SGSM2: variants seen among roughly 807,000 people sequenced by gnomAD.
SGSM2 encodes RUN and TBC1 domain containing 1.
A neutral mutation model predicts 126.6 loss-of-function variants in SGSM2; 89 were observed. The observed-to-expected ratio is 0.70, with a 90% CI of 0.59 to 0.84. The LOEUF (loss-of-function observed/expected upper bound fraction) is 0.84. Ranked by LOEUF, SGSM2 falls within the 40% of genes least tolerant of loss-of-function variation. The pLI is 0.00. For missense variants in SGSM2, 1,404 were observed against 1,416.6 expected (o/e 0.99, Z 0.14); for synonymous variants, 614 against 574.3 (o/e 1.07, Z -0.99).
chr17:2,340,504 A>C (rs2064300862), intron 1 of SGSM2, among the ~76,000 whole-genome samples: 1 of 152,172 alleles, frequency 6.6e-6, no homozygotes, highest in African/African-American at 2.4e-5. Context: ...AAATGTCAGA[A>C]TATGCCACAG....
At chr17:2,359,590 A>C (rs1447160825) in intron 2 of SGSM2, among the ~76,000 whole-genome samples, 2 of 152,126 alleles carry the variant, frequency 1.3e-5, no homozygotes, top group African/African-American at 2.4e-5. Flanking sequence ...GTAATTGCTT[A>C]GGAATGCCTC....
chr17:2,357,287 A>C (rs1409178552), intron 2 of SGSM2, among the ~76,000 whole-genome samples: 1 of 152,032 alleles, frequency 6.6e-6, no homozygotes, highest in Non-Finnish European at 1.5e-5. Flanking sequence ...TGTCAGCAGG[A>C]TGGGATGGGC....
intron 22 of SGSM2, 134 bp from the exon 23 acceptor site, chr17:2,378,902 G>GCCAGCATCAGCCCCAGCC: frequency 9.2e-7 from 1 of 1,083,034 alleles, no homozygotes; most frequent in Non-Finnish European, 1.3e-6. Context: ...AGCCAGTCCG[G>GCCAGCATCAGCCCCAGCC]CCAGCATCAG....
In SGSM2 at chr17:2,372,778, C is replaced by T. The variant is rs113292635; in HGVS notation, c.1789-175C>T. ...AAGGAAGGAGAGCAGAACGAGATCT[C>T]ATCCCACTGTGAGCTGGGGCACGGG... On this transcript the variant is annotated intron_variant, in intron 15 of 23. Coordinates refer to ENST00000268989, the MANE Select transcript of SGSM2 (RefSeq NM_014853.3). The surrounding 1 kb of genome is among the most constrained non-coding windows in gnomAD (Gnocchi z 6.0). 2.2e-6 allele frequency: 2 copies of T among 903,182 alleles called. No individual in the cohort carries two copies. Among genetic ancestry groups the T allele is most frequent in the African/African-American group, 1.7e-5 (1 of 59,216 alleles). 55.9% of individuals were successfully genotyped at this position (903,182 alleles called of 1,614,324 possible). A position where few individuals can be genotyped will look rare whatever the true frequency, so the allele number is the denominator to read the frequency against.
rs1038042963 is a variant in SGSM2, at chr17:2,372,085, C to T, written c.1578-105C>T. On this transcript the variant is annotated intron_variant, in intron 13 of 23. Coordinates refer to ENST00000268989, the MANE Select transcript of SGSM2 (RefSeq NM_014853.3). This position sits in a 1 kb window ranked among gnomAD's most constrained non-coding sequence, Gnocchi z 6.0. ...CTGCGGCTCCTCCTCCTCGCACCCT[C>T]CCCAGTGCCTTACCTGCCCCCCAGG... 2 of 1,341,758 alleles carry T rather than the reference C, an allele frequency of 1.5e-6. No homozygotes were observed. The highest frequency in any genetic ancestry group is 2.9e-5 in the African/African-American group (2 of 69,558). The allele number at this position is 1,341,758 out of a possible 1,614,324, so 83.1% of individuals were successfully genotyped here.
chr17:2,367,134 C>T lies in SGSM2; in HGVS notation c.1289-137C>T. 2 of 983,636 alleles carry T rather than the reference C, an allele frequency of 2.0e-6. No individual in the cohort carries two copies. The highest frequency in any genetic ancestry group is 2.9e-6 in the Non-Finnish European group (2 of 690,048). The allele number at this position is 983,636 out of a possible 1,614,324, so 60.9% of individuals were successfully genotyped here. A position where few individuals can be genotyped will look rare whatever the true frequency, so the allele number is the denominator to read the frequency against. ...AAAATCATCCAAAGAGCTTTCTGGT[C>T]CCCTCCCTTCCCCTCTTCTGTGCCC... On this transcript the variant is annotated intron_variant, in intron 11 of 23. Transcript: ENST00000268989. The surrounding 1 kb of genome is among the most constrained non-coding windows in gnomAD (Gnocchi z 4.0).
intron 17 of SGSM2, chr17:2,375,224 T>G: frequency 5.3e-6 from 2 of 374,186 alleles, no homozygotes; most frequent in Non-Finnish European, 9.6e-6. Context: ...CTCCCCTACT[T>G]CCCTTCAGTA....
chr17:2,376,684 G>A, intron 19 of SGSM2, 49 bp from the exon 20 acceptor site: 1 of 1,594,790 alleles, frequency 6.3e-7, no homozygotes, highest in Non-Finnish European at 8.6e-7. Flanking sequence ...GGATCCCGAG[G>A]GAGGGAAGAA....
At position 2,361,327 on chromosome 17, in the gene SGSM2, G is replaced by C. The variant is rs556139079; in HGVS notation, c.134-310G>C. 2.0e-5 allele frequency among the ~76,000 whole-genome samples: 3 copies of C among 152,324 alleles called. No homozygotes were observed. The East Asian group carries it at 5.8e-4, about 29-fold the overall frequency. ...CTGTAGGTGCTGTGCCTTGCTGTCA[G>C]GTTTGGAGCCACTCATGCCACCCTG... On this transcript the variant is annotated intron_variant, in intron 2 of 23. Transcript: ENST00000268989.
At chr17:2,368,949 A>G (rs1308629142) in intron 12 of SGSM2, among the ~76,000 whole-genome samples, 1 of 152,092 alleles carries the variant, frequency 6.6e-6, no homozygotes, top group Non-Finnish European at 1.5e-5. Context: ...ATCCCTGACT[A>G]GTCTTAGGGC....
intron 2 of SGSM2, among the ~76,000 whole-genome samples, chr17:2,348,953 G>A (rs908941740): frequency 2.0e-5 from 3 of 151,850 alleles, no homozygotes; most frequent in Admixed American, 6.6e-5. Context: ...TTGTAGAGAC[G>A]GGGTTTCGCC....
At position 2,372,009 on chromosome 17, in the gene SGSM2, A is replaced by AG. The variant is rs35041580; in HGVS notation, c.1578-181_1578-180insG. 0.056 allele frequency: 38,022 copies of AG among 684,708 alleles called. 2,979 individuals carry two copies. The highest frequency in any genetic ancestry group is 0.29 in the African/African-American group (15,788 of 54,950). The allele number at this position is 684,708 out of a possible 1,614,324, so 42.4% of individuals were successfully genotyped here. ...GGGGGCCAGGCGGGGGCCCCACAGC[A>AG]CTCTGTCCAGGTGGCAGGCAGGGAC... On this transcript the variant is annotated intron_variant, in intron 13 of 23. Coordinates refer to ENST00000268989, the MANE Select transcript of SGSM2 (RefSeq NM_014853.3). This position sits in a 1 kb window ranked among gnomAD's most constrained non-coding sequence, Gnocchi z 6.0.
At position 2,367,208 on chromosome 17, in the gene SGSM2, G is replaced by C; in HGVS notation, c.1289-63G>C. The C allele has an allele frequency of 6.5e-7, 1 of 1,539,902 alleles. No homozygotes were observed. The highest frequency in any genetic ancestry group is 1.2e-5 in the South Asian group (1 of 81,486). On this transcript the variant is annotated intron_variant, in intron 11 of 23. Transcript: ENST00000268989. The surrounding 1 kb of genome is among the most constrained non-coding windows in gnomAD (Gnocchi z 4.0). ...CTCCATTCCACTCCCCTTAAGGAGG[G>C]AGTCCGTCCTGCCCAGGGATGAGGG...
chr17:2,362,015 C>T lies in SGSM2; in HGVS notation c.297-94C>T. The T allele has an allele frequency of 6.8e-7, 1 of 1,470,316 alleles. No individual in the cohort carries two copies. The highest frequency in any genetic ancestry group is 1.3e-5 in the South Asian group (1 of 76,964). The allele number at this position is 1,470,316 out of a possible 1,614,324, so 91.1% of individuals were successfully genotyped here. On this transcript the variant is annotated intron_variant, in intron 3 of 23. Transcript: ENST00000268989. This position sits in a 1 kb window ranked among gnomAD's most constrained non-coding sequence, Gnocchi z 4.9. ...CCAACCCCAGTCAGTTCTCTGTGCT[C>T]CCATCTTGGGGTACCAAGCCCCACT...
chr17:2,371,214 G>A (rs2151613740), intron 12 of SGSM2, 48 bp from the exon 13 acceptor site: 1 of 1,576,168 alleles, frequency 6.3e-7, no homozygotes, highest in Non-Finnish European at 8.6e-7. Context: ...GGGTGCCTGG[G>A]AGAGAAGGTG....
chr17:2,364,428 C>T (rs2065462494), intron 8 of SGSM2, 168 bp from the exon 9 acceptor site: 3 of 829,330 alleles, frequency 3.6e-6, no homozygotes, highest in East Asian at 2.7e-5. Flanking sequence ...GTCCATGTGC[C>T]GAGCGGGCAG....
intron 19 of SGSM2, 37 bp from the exon 20 acceptor site, chr17:2,376,696 G>A (rs1183933165): frequency 6.2e-7 from 1 of 1,607,884 alleles, no homozygotes; most frequent in Non-Finnish European, 8.5e-7. Flanking sequence ...AGGGAAGAAT[G>A]GGGCACAGCC....
In SGSM2 at chr17:2,379,839, C is replaced by A. The variant is rs977524892; in HGVS notation, c.*319C>A. The A allele has an allele frequency of 3.0e-6, 4 of 1,313,664 alleles. No homozygotes were observed. In the Admixed American group the frequency reaches 1.3e-4, roughly 42 times the overall value. The allele number at this position is 1,313,664 out of a possible 1,614,324, so 81.4% of individuals were successfully genotyped here. ...CCTGCAGCCGCAGCCTGGACTGCTG[C>A]CCACGAGTGAACCTGGGGCCCCACA... On this transcript the variant is annotated 3_prime_UTR_variant, in exon 24 of 24. Transcript: ENST00000268989.
chr17:2,348,475 G>C (rs568703128), intron 2 of SGSM2, among the ~76,000 whole-genome samples: 1 of 152,136 alleles, frequency 6.6e-6, no homozygotes, highest in Non-Finnish European at 1.5e-5. Context: ...CTTCCATCTA[G>C]AAATGATCTA....
Sources: gnomAD v4.1 joint callset for allele counts (sites outside exome capture counted in the v4.1 genomes callset) on GRCh38, gnomAD v4.1.1 for gene constraint, Gnocchi (gnomAD v3.1) non-coding constraint, MANE v1.5 for transcripts, NCBI Gene and HGNC (gene_info 2026-07-23, HGNC 2026-07-21) for gene names.